COPS4: variants seen among roughly 807,000 people sequenced by gnomAD.
The protein encoded by COPS4 is COP9 signalosome subunit 4, also known as COP9 signalosome complex subunit 4.
A neutral mutation model predicts 55.1 loss-of-function variants in COPS4; 8 were observed. The observed-to-expected ratio is 0.15, with a 90% CI of 0.09 to 0.26. COPS4 has a LOEUF of 0.26. Ranked by LOEUF, COPS4 falls within the 10% of genes least tolerant of loss-of-function variation. The pLI is 1.00. For synonymous variants in COPS4, 185 were observed against 165.7 expected, an observed-to-expected ratio of 1.12 and a Z score of -0.90; for missense variants, 248 against 484.0, an observed-to-expected ratio of 0.51 and a Z score of 4.58.
In COPS4 at chr4:83,075,567, A is replaced by T. The variant is rs1221917194; in HGVS notation, c.*137A>T. 5 of 922,248 alleles carry T rather than the reference A, an allele frequency of 5.4e-6. No individual in the cohort carries two copies. The African/African-American group carries it at 8.3e-5, about 15-fold the overall frequency. 57.1% of individuals were successfully genotyped at this position (922,248 alleles called of 1,614,324 possible). ...CTGGATTCCGTTTAAAGAAGACATT[A>T]TTAGAGCAGGAAGTACAAGCATTTA... is the stretch of plus-strand genomic sequence containing the variant. On this transcript the variant is annotated 3_prime_UTR_variant, in exon 10 of 10. Transcript: ENST00000264389.
At chr4:83,071,426 T>C (rs1560445120) in intron 9 of COPS4, among the ~76,000 whole-genome samples, 1 of 151,746 alleles carries the variant, frequency 6.6e-6, no homozygotes, top group Non-Finnish European at 1.5e-5. Context: ...GTTATAATGA[T>C]TTTTTTTTCT....
Position 83,049,862 on chromosome 4 carries a change from T to C in COPS4, c.307-19T>C. 1 of 1,382,364 alleles carries C rather than the reference T, an allele frequency of 7.2e-7. No homozygotes were observed. The highest frequency in any genetic ancestry group is 1.8e-4 in the Middle Eastern group (1 of 5,498). 85.6% of individuals were successfully genotyped at this position (1,382,364 alleles called of 1,614,324 possible). A position where few individuals can be genotyped will look rare whatever the true frequency, so the allele number is the denominator to read the frequency against. On this transcript the variant is annotated intron_variant, in intron 3 of 9. Transcript: ENST00000264389. ...TAATGTCAGTTGAAATAATTTGACA[T>C]GTATACCTATTATTCCAGGTTGCTT...
Position 83,057,411 on chromosome 4 carries a change from A to G in COPS4, c.715+3A>G, listed in dbSNP as rs1371909711. On this transcript the variant is annotated splice_donor_region_variant and intron_variant, in intron 6 of 9. Transcript: ENST00000264389. ...CTGTACGATCTTAGCATCAGCAGGTAAACACGTAATAATTTATACTTAAAT... is the reference window on the plus strand; with the variant it reads ...CTGTACGATCTTAGCATCAGCAGGTGAACACGTAATAATTTATACTTAAAT... 6.4e-7 allele frequency: 1 copy of G among 1,561,678 alleles called. No individual in the cohort carries two copies. Among genetic ancestry groups the G allele is most frequent in the Non-Finnish European group, 8.7e-7 (1 of 1,155,998 alleles).
chr4:83,049,552 A>T, intron 3 of COPS4: 1 of 489,652 alleles, frequency 2.0e-6, no homozygotes, highest in South Asian at 3.1e-5. Context: ...TCTCTAGACA[A>T]TTTTTTAAAA....
chr4:83,039,325 G>A (rs1578701149), intron 1 of COPS4, among the ~76,000 whole-genome samples: 1 of 152,290 alleles, frequency 6.6e-6, no homozygotes, highest in African/African-American at 2.4e-5. Context: ...CTGTTCATGT[G>A]ACAGCAGCAG....
chr4:83,041,494 A>G (rs1206737269), intron 1 of COPS4, among the ~76,000 whole-genome samples: 1 of 151,604 alleles, frequency 6.6e-6, no homozygotes, highest in Non-Finnish European at 1.5e-5. Flanking sequence ...AATCTAGTCC[A>G]TTTTTGTTTT....
intron 1 of COPS4, among the ~76,000 whole-genome samples, chr4:83,043,510 C>T (rs1281108115): frequency 7.6e-6 from 1 of 131,590 alleles, no homozygotes; most frequent in Non-Finnish European, 1.6e-5. Context: ...CAGAGTGAGA[C>T]CCTGTCTCAA....
At position 83,035,315 on chromosome 4, in the gene COPS4, A is replaced by G; in HGVS notation, c.74+17A>G. 6.5e-7 allele frequency: 1 copy of G among 1,533,632 alleles called. No individual in the cohort carries two copies. Among genetic ancestry groups the G allele is most frequent in the South Asian group, 1.1e-5 (1 of 88,254 alleles). On this transcript the variant is annotated intron_variant, in intron 1 of 9. Transcript: ENST00000264389. Reference sequence around the variant, plus strand: ...GGCTGGCAAGTGAGTATTTCCCAGGAACGCGGGAGTACAGAGGTGGGGAAA... The same window carrying G: ...GGCTGGCAAGTGAGTATTTCCCAGGGACGCGGGAGTACAGAGGTGGGGAAA...
chr4:83,075,100 G>A (rs1332728137), intron 9 of COPS4, among the ~76,000 whole-genome samples, 197 bp from the exon 10 acceptor site: 1 of 152,040 alleles, frequency 6.6e-6, no homozygotes, highest in Non-Finnish European at 1.5e-5. Flanking sequence ...CTGAGTGACA[G>A]AGCAAGACTC....
intron 6 of COPS4, among the ~76,000 whole-genome samples, chr4:83,061,090 T>C (rs1731155315): frequency 1.3e-5 from 2 of 152,110 alleles, no homozygotes; most frequent in African/African-American, 4.8e-5. Context: ...CATTACATTC[T>C]ATGTTACAAA....
chr4:83,061,326 C>T (rs984985556), intron 6 of COPS4, among the ~76,000 whole-genome samples: 2 of 152,060 alleles, frequency 1.3e-5, no homozygotes, highest in African/African-American at 4.8e-5. Flanking sequence ...GCCAACACCC[C>T]TCCTTCTTTG....
chr4:83,070,788 G>T (rs564250393), intron 9 of COPS4, among the ~76,000 whole-genome samples: 6 of 152,076 alleles, frequency 3.9e-5, no homozygotes, highest in Non-Finnish European at 5.9e-5. Context: ...GCATAAAAAA[G>T]AAATAAACAA....
Position 83,035,208 on chromosome 4 carries a change from G to A in COPS4, c.-17G>A, listed in dbSNP as rs1472430327. 6.4e-7 allele frequency: 1 copy of A among 1,551,538 alleles called. No individual in the cohort carries two copies. Among genetic ancestry groups the A allele is most frequent in the East Asian group, 2.4e-5 (1 of 41,168 alleles). On this transcript the variant is annotated 5_prime_UTR_variant, in exon 1 of 10. Coordinates refer to ENST00000264389, the MANE Select transcript of COPS4 (RefSeq NM_016129.3). ...GCTGCCAGAGGCCCCCGCATCCACC[G>A]CTGAGCTGGGAGAAAGATGGCGGCA...
intron 4 of COPS4, among the ~76,000 whole-genome samples, chr4:83,055,557 C>T (rs2126131210): frequency 1.3e-5 from 2 of 151,924 alleles, no homozygotes; most frequent in East Asian, 3.9e-4. Context: ...TATTCTCCTG[C>T]CTCAGCCTCC....
In COPS4 at chr4:83,046,689, G is replaced by A. The variant is rs150050892; in HGVS notation, c.154+984G>A. On this transcript the variant is annotated intron_variant, in intron 2 of 9. Coordinates refer to ENST00000264389, the MANE Select transcript of COPS4 (RefSeq NM_016129.3). ...AAGGAATTTTATAGTGAGTTCACAT[G>A]GAATTTTATAGTGAGTTCACATCAT... Among the ~76,000 whole-genome samples the A allele has an allele frequency of 1.6e-4, 25 of 152,266 alleles. 1 individual carries two copies. In the East Asian group the frequency reaches 3.7e-3, roughly 22 times the overall value.
chr4:83,042,562 C>A (rs1400058840), intron 1 of COPS4, among the ~76,000 whole-genome samples: 1 of 149,478 alleles, frequency 6.7e-6, no homozygotes, highest in Non-Finnish European at 1.5e-5. Context: ...TCCAGGCACA[C>A]GCCACCACAG....
chr4:83,059,234 A>G (rs1289157059), intron 6 of COPS4, among the ~76,000 whole-genome samples: 1 of 152,092 alleles, frequency 6.6e-6, no homozygotes, highest in Non-Finnish European at 1.5e-5. Context: ...CATTTTTGCC[A>G]TGCAGAACCT....
chr4:83,068,326 A>C (rs907230938), intron 8 of COPS4, 112 bp from the exon 9 acceptor site: 4 of 688,726 alleles, frequency 5.8e-6, no homozygotes, highest in Non-Finnish European at 1.0e-5. Flanking sequence ...AGATTAATGT[A>C]TATGTAAAGT....
intron 1 of COPS4, among the ~76,000 whole-genome samples, chr4:83,036,952 TAA>T (rs1730437389): frequency 6.6e-6 from 1 of 152,236 alleles, no homozygotes; most frequent in Admixed American, 6.5e-5. Context: ...CAATAGTACT[TAA>T]AGCGTGCTTC....
Sources: allele counts gnomAD v4.1 joint callset (sites outside exome capture counted in the v4.1 genomes callset), GRCh38; gene constraint gnomAD v4.1.1; transcripts MANE v1.5; gene names NCBI Gene and HGNC (gene_info 2026-07-23, HGNC 2026-07-21).